CDC42BPA: variants seen among roughly 807,000 people sequenced by gnomAD.
The protein encoded by CDC42BPA is CDC42 binding protein kinase alpha.
CDC42BPA carries 80 observed loss-of-function variants against 223.5 expected under a neutral mutation model. The ratio of observed to expected loss-of-function variants is 0.36; its 90% CI spans 0.30 to 0.43. The LOEUF is 0.43. Ranked by LOEUF, CDC42BPA falls within the 20% of genes least tolerant of loss-of-function variation. CDC42BPA has a pLI of 1.00. For missense variants in CDC42BPA, 1,743 were observed against 2,099.9 expected, an observed-to-expected ratio of 0.83 and a Z score of 3.32; for synonymous variants, 694 against 718.6, an observed-to-expected ratio of 0.97 and a Z score of 0.55.
intron 5 of CDC42BPA, among the ~76,000 whole-genome samples, chr1:227,162,631 G>C (rs566424584): frequency 6.6e-6 from 1 of 152,152 alleles, no homozygotes; most frequent in Non-Finnish European, 1.5e-5. Context: ...AGGAGTTTAA[G>C]AACAGCCTGT....
At chr1:227,310,187 A>G (rs971740623) in intron 1 of CDC42BPA, among the ~76,000 whole-genome samples, 1 of 152,232 alleles carries the variant, frequency 6.6e-6, no homozygotes, top group Middle Eastern at 3.2e-3. Context: ...AGCCTATTCC[A>G]TAGTCAGATA....
chr1:227,129,514 A>G (rs1355533829), intron 10 of CDC42BPA, among the ~76,000 whole-genome samples: 1 of 151,752 alleles, frequency 6.6e-6, no homozygotes, highest in African/African-American at 2.4e-5. Flanking sequence ...CAAAAGATAT[A>G]AAAATTGGCA....
Position 227,230,816 on chromosome 1 carries a change from C to CTTTTTTTTTTTTTTTTTTTTTTTTT in CDC42BPA, c.271-17598_271-17597insAAAAAAAAAAAAAAAAAAAAAAAAA, listed in dbSNP as rs34787332. 4.4e-4 allele frequency among the ~76,000 whole-genome samples: 24 copies of CTTTTTTTTTTTTTTTTTTTTTTTTT among 54,056 alleles called. 1 individual carries two copies. The highest frequency in any genetic ancestry group is 5.0e-4 in the Non-Finnish European group (13 of 26,056). The allele number at this position is 54,056 out of a possible 152,430, so 35.5% of individuals were successfully genotyped here. On this transcript the variant is annotated intron_variant, in intron 2 of 36. Transcript: ENST00000366766. Reference sequence around the variant, plus strand: ...ACTGATTTCTATTTCTTTTTTCTTTCTTTCTTTTTTTTTTTTTTTTTTTGA... The same window carrying CTTTTTTTTTTTTTTTTTTTTTTTTT: ...ACTGATTTCTATTTCTTTTTTCTTTCTTTTTTTTTTTTTTTTTTTTTTTTTTTTCTTTTTTTTTTTTTTTTTTTGA...
chr1:227,048,238 C>G (rs1159226350), intron 22 of CDC42BPA, among the ~76,000 whole-genome samples: 1 of 151,876 alleles, frequency 6.6e-6, no homozygotes, highest in Non-Finnish European at 1.5e-5. Flanking sequence ...TAGTAAGTTA[C>G]TTTAGTCTGG....
intron 2 of CDC42BPA, among the ~76,000 whole-genome samples, chr1:227,236,831 A>C (rs1415205269): frequency 6.6e-6 from 1 of 151,850 alleles, no homozygotes; most frequent in African/African-American, 2.4e-5. Flanking sequence ...ACTTTGGGAG[A>C]CCGAGGTGTG....
chr1:227,023,568 T>A (rs1667754465), intron 31 of CDC42BPA, among the ~76,000 whole-genome samples: 1 of 152,190 alleles, frequency 6.6e-6, no homozygotes, highest in Non-Finnish European at 1.5e-5. Flanking sequence ...AGGAAGGCTA[T>A]CCTAAGCAAA....
At chr1:227,037,308 C>T (rs975135160) in intron 24 of CDC42BPA, among the ~76,000 whole-genome samples, 2 of 152,200 alleles carry the variant, frequency 1.3e-5, no homozygotes, top group African/African-American at 4.8e-5. Context: ...CTTCCCTTAA[C>T]TATGTAAGAG....
At chr1:227,036,289 A>G (rs1014697765) in intron 24 of CDC42BPA, among the ~76,000 whole-genome samples, 5 of 152,180 alleles carry the variant, frequency 3.3e-5, no homozygotes, top group African/African-American at 1.2e-4. Flanking sequence ...AAACATCTCA[A>G]TGCACTTTAT....
chr1:227,217,606 A>C (rs1386452139), intron 2 of CDC42BPA, among the ~76,000 whole-genome samples: 1 of 152,144 alleles, frequency 6.6e-6, no homozygotes, highest in Admixed American at 6.6e-5. Flanking sequence ...CCTCTGCTCC[A>C]CAGCTTCCAA....
chr1:227,263,767 A>C (rs2148393535), intron 1 of CDC42BPA, among the ~76,000 whole-genome samples: 1 of 152,034 alleles, frequency 6.6e-6, no homozygotes, highest in South Asian at 2.1e-4. Context: ...TTTTTAGTAG[A>C]GACGGGGTTT....
chr1:227,064,529 T>C (rs1412436446), intron 21 of CDC42BPA, among the ~76,000 whole-genome samples: 1 of 151,994 alleles, frequency 6.6e-6, no homozygotes, highest in Non-Finnish European at 1.5e-5. Context: ...ATGAAGGGAA[T>C]AGATGGGGGA....
chr1:226,994,720 C>T lies in CDC42BPA; in HGVS notation c.5133+103G>A, dbSNP rs559836951. On this transcript the variant is annotated intron_variant, in intron 36 of 36. Transcript: ENST00000366766. This position sits in a 1 kb window ranked among gnomAD's most constrained non-coding sequence, Gnocchi z 4.0. ...AAGAGTGAATGCTGGCCCCTGACCCCGAACCCTGCTGCAGCTGAGGCCAAT... is the reference window on the plus strand; with the variant it reads ...AAGAGTGAATGCTGGCCCCTGACCCTGAACCCTGCTGCAGCTGAGGCCAAT... 1,834 of 1,256,622 alleles carry T rather than the reference C, an allele frequency of 1.5e-3. 3 individuals are homozygous for T. Among genetic ancestry groups the T allele is most frequent in the Non-Finnish European group, 1.8e-3 (1,603 of 908,672 alleles). 77.8% of individuals were successfully genotyped at this position (1,256,622 alleles called of 1,614,324 possible).
chr1:227,285,016 A>G (rs1023431966), intron 1 of CDC42BPA, among the ~76,000 whole-genome samples: 2 of 151,866 alleles, frequency 1.3e-5, no homozygotes, highest in Non-Finnish European at 2.9e-5. Flanking sequence ...TCTCTGGTAC[A>G]TACCTCTGGA....
chr1:226,990,904 T>G lies in CDC42BPA; in HGVS notation c.*3364A>C, dbSNP rs560786486. 11 of 152,736 alleles carry G rather than the reference T, an allele frequency of 7.2e-5. No homozygotes were observed. In the East Asian group the frequency reaches 1.5e-3, roughly 21 times the overall value. 9.5% of individuals were successfully genotyped at this position (152,736 alleles called of 1,614,324 possible). The stretch of plus-strand genomic sequence containing the variant: ...CTGAAATGTGAGTACAATAATTGGC[T>G]GGAAAACCAAATAGATGGGCTCCTT... On this transcript the variant is annotated 3_prime_UTR_variant, in exon 37 of 37. Coordinates refer to ENST00000366766, the MANE Select transcript of CDC42BPA (RefSeq NM_001394014.1).
chr1:227,119,224 C>G (rs1447446703), intron 12 of CDC42BPA, among the ~76,000 whole-genome samples: 1 of 152,082 alleles, frequency 6.6e-6, no homozygotes, highest in Non-Finnish European at 1.5e-5. Context: ...AGTGTTTTCT[C>G]TAGTGCTTGA....
chr1:227,126,464 A>AAAGGAAGGAAGGAAGGAAGGAAGGAAGG (rs143254580), intron 11 of CDC42BPA, among the ~76,000 whole-genome samples: 3 of 130,552 alleles, frequency 2.3e-5, no homozygotes, highest in East Asian at 4.8e-4. Context: ...GCAGTACAAG[A>AAAGGAAGGAAGGAAGGAAGGAAGGAAGG]AAGGAAGGAA....
At chr1:227,203,777 A>G (rs61834570) in intron 3 of CDC42BPA, among the ~76,000 whole-genome samples, 1 of 152,158 alleles carries the variant, frequency 6.6e-6, no homozygotes, top group African/African-American at 2.4e-5. Context: ...TATTCAGTCT[A>G]TATTATTTAA....
intron 10 of CDC42BPA, among the ~76,000 whole-genome samples, chr1:227,134,282 A>T (rs955500490): frequency 3.3e-5 from 5 of 152,110 alleles, no homozygotes; most frequent in African/African-American, 7.2e-5. Flanking sequence ...TCTATCTTGG[A>T]TAATTTCTAC....
Position 227,112,866 on chromosome 1 carries a change from C to G in CDC42BPA, c.1695G>C (p.Leu565=). The change falls in exon 13 of 37, where the codon CTG becomes CTC. Residue 565 remains leucine, a synonymous_variant. Transcript: ENST00000366766. ...GTTTCCTCTGACAGTGTGCGTCTTT[C>G]AGCTCTTTGGATTGGTTTTTTAATC... ...SERLKNQSKE[L]KDAHCQRKLA... The G allele has an allele frequency of 2.5e-6, 4 of 1,614,026 alleles. 1 individual carries two copies. In the South Asian group the frequency reaches 4.4e-5, roughly 18 times the overall value.
Sources: allele counts gnomAD v4.1 joint callset (sites outside exome capture counted in the v4.1 genomes callset), GRCh38; gene constraint gnomAD v4.1.1; non-coding constraint Gnocchi (gnomAD v3.1); transcripts MANE v1.5; gene names NCBI Gene and HGNC (gene_info 2026-07-23, HGNC 2026-07-21).